Variants in LRPAP1 observed in about 807,000 individuals in gnomAD.
LRPAP1 encodes the protein LDL receptor related protein associated protein 1, also known as alpha-2-macroglobulin receptor-associated protein.
A neutral mutation model predicts 39.9 loss-of-function variants in LRPAP1; 41 were observed. The observed-to-expected ratio is 1.03, with a 90% CI of 0.80 to 1.33. The LOEUF is 1.33. LRPAP1 is among the 40% of genes most tolerant of loss of function. LRPAP1 has a pLI of 0.00. For missense variants in LRPAP1, 565 were observed against 482.3 expected, an observed-to-expected ratio of 1.17 and a Z score of -1.61; for synonymous variants, 263 against 212.7, an observed-to-expected ratio of 1.24 and a Z score of -2.06.
rs1267853769 is a variant in LRPAP1 at position 3,507,786 on chromosome 4, GT to G, written c.*5187del. On this transcript the variant is annotated 3_prime_UTR_variant, in exon 8 of 8. Transcript: ENST00000650182. ...AAAAAATCAATGGACCCAAAAGTAGGTTTCTTTGGGGAAAATATCTGTAAAA... is the reference window on the plus strand; with the variant it reads ...AAAAAATCAATGGACCCAAAAGTAGGTTCTTTGGGGAAAATATCTGTAAAA... 6.6e-6 allele frequency: 1 copy of G among 152,142 alleles called. No homozygotes were observed. The highest frequency in any genetic ancestry group is 1.5e-5 in the Non-Finnish European group (1 of 68,026). The allele number at this position is 152,142 out of a possible 1,614,324, so 9.4% of individuals were successfully genotyped here. A position where few individuals can be genotyped will look rare whatever the true frequency, so the allele number is the denominator to read the frequency against.
At chr4:3,528,337 C>T (rs1170795724) in intron 1 of LRPAP1, among the ~76,000 whole-genome samples, 3 of 152,204 alleles carry the variant, frequency 2.0e-5, no homozygotes, top group Admixed American at 6.5e-5. Context: ...CAGAGCCGAC[C>T]GTGTCCTCCT....
chr4:3,520,491 C>G (rs557798031), intron 2 of LRPAP1, among the ~76,000 whole-genome samples: 6 of 152,328 alleles, frequency 3.9e-5, no homozygotes, highest in African/African-American at 1.4e-4. Context: ...AGCTGTGTCC[C>G]CCTGAGACGC....
intron 5 of LRPAP1, chr4:3,517,546 C>CA (rs1350896217): frequency 6.5e-6 from 1 of 154,080 alleles, no homozygotes; most frequent in African/African-American, 2.4e-5. Context: ...AGCAGTGGTG[C>CA]AGAGCCTGGC....
At chr4:3,524,855 A>G in intron 2 of LRPAP1, 52 bp downstream of exon 2, 2 of 1,594,226 alleles carry the variant, frequency 1.3e-6, no homozygotes, top group South Asian at 2.2e-5. Context: ...GCCGCTCTCA[A>G]GCATTTAGGA....
Position 3,532,253 on chromosome 4 carries a change from A to G in LRPAP1, c.160T>C (p.Phe54Leu). Residue 54 changes from phenylalanine (F) to leucine (L), a missense_variant, in exon 1 of 8, where the codon TTC becomes CTC. Physicochemically the swap from Phe to Leu is conservative, Grantham distance 22. Coordinates refer to ENST00000650182, the MANE Select transcript of LRPAP1 (RefSeq NM_002337.4). ...AGCTGGTTCAACTTCTCCATGCGGA[A>G]CTCCTCTCCGGACTCGCGTTTCGGG... ...PSPKRESGEE[F>L]RMEKLNQLWE... 6.4e-7 allele frequency: 1 copy of G among 1,552,298 alleles called. No individual in the cohort carries two copies. The highest frequency in any genetic ancestry group is 1.2e-5 in the South Asian group (1 of 84,280).
rs185596728 is a variant in LRPAP1 at position 3,517,662 on chromosome 4, C to T, written c.751+372G>A. 36 of 169,880 alleles carry T rather than the reference C, an allele frequency of 2.1e-4. No homozygotes were observed. The East Asian group carries it at 2.4e-3, about 11-fold the overall frequency. The allele number at this position is 169,880 out of a possible 1,614,324, so 10.5% of individuals were successfully genotyped here. Reference sequence around the variant, plus strand: ...TGCCGGGCTGAGGGGGACTGATGGACGGTGTGGGTGGCATGAGATGGAGAC... The same window carrying T: ...TGCCGGGCTGAGGGGGACTGATGGATGGTGTGGGTGGCATGAGATGGAGAC... On this transcript the variant is annotated intron_variant, in intron 5 of 7. Transcript: ENST00000650182.
rs1248589775 is a variant in LRPAP1, at chr4:3,522,663, C to T, written c.349+2244G>A. On this transcript the variant is annotated intron_variant, in intron 2 of 7. Transcript: ENST00000650182. Reference sequence around the variant, plus strand: ...ACACCCCCTGCCTGGGGAGGACGGACGCCGCCCCACACCCCCTGCCTGGGG... The same window carrying T: ...ACACCCCCTGCCTGGGGAGGACGGATGCCGCCCCACACCCCCTGCCTGGGG... 8.8e-5 allele frequency among the ~76,000 whole-genome samples: 9 copies of T among 102,494 alleles called. 1 individual carries two copies. Among genetic ancestry groups the T allele is most frequent in the Non-Finnish European group, 1.8e-4 (8 of 44,932 alleles). 67.2% of individuals were successfully genotyped at this position (102,494 alleles called of 152,430 possible).
rs887064827 is a variant in LRPAP1 at position 3,519,117 on chromosome 4, G to A, written c.472-126C>T. The A allele has an allele frequency of 2.1e-6, 3 of 1,459,924 alleles. No individual in the cohort carries two copies. The African/African-American group carries it at 4.3e-5, about 21-fold the overall frequency. 90.4% of individuals were successfully genotyped at this position (1,459,924 alleles called of 1,614,324 possible). On this transcript the variant is annotated intron_variant, in intron 3 of 7. Transcript: ENST00000650182. ...ACGTGAGTGCCAGGCCAGGTTCTTGGCCTCACGAAGGGCAGGAAAACAAAA... is the reference window on the plus strand; with the variant it reads ...ACGTGAGTGCCAGGCCAGGTTCTTGACCTCACGAAGGGCAGGAAAACAAAA...
intron 2 of LRPAP1, among the ~76,000 whole-genome samples, chr4:3,524,665 G>C (rs895049875): frequency 1.3e-5 from 2 of 152,240 alleles, no homozygotes; most frequent in African/African-American, 4.8e-5. Context: ...CCTCATGAGG[G>C]TTAGCCCCCC....
rs1399630040 is a variant in LRPAP1, at chr4:3,511,687, A to G, written c.*1287T>C. On this transcript the variant is annotated 3_prime_UTR_variant, in exon 8 of 8. Transcript: ENST00000650182. ...CAAGATCCAGCTGCAGTCAAAACAC[A>G]ATACGCCTGGTGGAGCCTCTTCCAG... The G allele has an allele frequency of 6.6e-6, 1 of 152,330 alleles. No homozygotes were observed. The highest frequency in any genetic ancestry group is 1.5e-5 in the Non-Finnish European group (1 of 68,118). The allele number at this position is 152,330 out of a possible 1,614,324, so 9.4% of individuals were successfully genotyped here.
Position 3,512,850 on chromosome 4 carries a change from C to G in LRPAP1, c.*124G>C. The G allele has an allele frequency of 1.3e-6, 1 of 753,508 alleles. No individual in the cohort carries two copies. Among genetic ancestry groups the G allele is most frequent in the East Asian group, 2.7e-5 (1 of 36,852 alleles). 46.7% of individuals were successfully genotyped at this position (753,508 alleles called of 1,614,324 possible). On this transcript the variant is annotated 3_prime_UTR_variant, in exon 8 of 8. Coordinates refer to ENST00000650182, the MANE Select transcript of LRPAP1 (RefSeq NM_002337.4). The stretch of plus-strand genomic sequence containing the variant: ...CTGCAGTCACCAGAAACAATCCTTC[C>G]TGCCTCGACACCCGTGCCAGCCCCA...
chr4:3,505,211 G>A lies in LRPAP1; in HGVS notation c.*7763C>T, dbSNP rs377055951. Among the ~76,000 whole-genome samples the A allele has an allele frequency of 8.7e-4, 132 of 152,308 alleles. No individual in the cohort carries two copies. Among genetic ancestry groups the A allele is most frequent in the African/African-American group, 3.0e-3 (126 of 41,568 alleles). ...GACCGTGTCCTGGACAGCCCAGCTCGAGGCTGCTCTTCAGCCCCAGCCCCT... is the reference window on the plus strand; with the variant it reads ...GACCGTGTCCTGGACAGCCCAGCTCAAGGCTGCTCTTCAGCCCCAGCCCCT... On this transcript the variant is annotated 3_prime_UTR_variant, in exon 8 of 8. Coordinates refer to ENST00000650182, the MANE Select transcript of LRPAP1 (RefSeq NM_002337.4).
intron 1 of LRPAP1, among the ~76,000 whole-genome samples, chr4:3,528,124 G>A (rs1483712125): frequency 6.6e-6 from 1 of 152,194 alleles, no homozygotes; most frequent in Non-Finnish European, 1.5e-5. Flanking sequence ...GCAGACCCCA[G>A]ACCCCACGTC....
intron 1 of LRPAP1, 77 bp from the exon 2 acceptor site, chr4:3,525,128 G>A (rs1406721018): frequency 6.4e-7 from 1 of 1,569,314 alleles, no homozygotes; most frequent in Non-Finnish European, 8.7e-7. Context: ...CCTCGGAGGA[G>A]GCTGGCCACC....
chr4:3,521,326 C>T (rs1031354926), intron 2 of LRPAP1, among the ~76,000 whole-genome samples: 65 of 152,208 alleles, frequency 4.3e-4, no homozygotes, highest in Non-Finnish European at 6.9e-4. Flanking sequence ...CTTCCCCTCA[C>T]CCCGAGGACC....
At chr4:3,523,550 A>G (rs1157242303) in intron 2 of LRPAP1, among the ~76,000 whole-genome samples, 1 of 152,108 alleles carries the variant, frequency 6.6e-6, no homozygotes, top group Non-Finnish European at 1.5e-5. Context: ...CCTGCTCAGG[A>G]GTCAGAAAAC....
intron 1 of LRPAP1, among the ~76,000 whole-genome samples, chr4:3,531,122 C>T (rs1203240108): frequency 2.0e-5 from 3 of 152,162 alleles, no homozygotes; most frequent in South Asian, 2.1e-4. Context: ...CGCTCCAGCC[C>T]AGAGCGTTCT....
chr4:3,510,012 A>G lies in LRPAP1; in HGVS notation c.*2962T>C, dbSNP rs1006285527. 2 of 152,250 alleles carry G rather than the reference A, an allele frequency of 1.3e-5. No individual in the cohort carries two copies. Among genetic ancestry groups the G allele is most frequent in the Admixed American group, 6.5e-5 (1 of 15,284 alleles). 9.4% of individuals were successfully genotyped at this position (152,250 alleles called of 1,614,324 possible). On this transcript the variant is annotated 3_prime_UTR_variant, in exon 8 of 8. Transcript: ENST00000650182. ...TTTTTTGGTAGAAATTGAGACACTG[A>G]TTGTAAAACATATATGGAAACACCA...
At chr4:3,531,607 C>T (rs199804283) in intron 1 of LRPAP1, among the ~76,000 whole-genome samples, 3 of 152,148 alleles carry the variant, frequency 2.0e-5, no homozygotes, top group Non-Finnish European at 4.4e-5. Flanking sequence ...GGTGCCCTTT[C>T]CCCTCGGGGC....
Sources: allele counts gnomAD v4.1 joint callset (sites outside exome capture counted in the v4.1 genomes callset), GRCh38; gene constraint gnomAD v4.1.1; transcripts MANE v1.5; gene names NCBI Gene and HGNC (gene_info 2026-07-23, HGNC 2026-07-21).